Variants in NCBP2L observed in about 807,000 individuals in gnomAD.
NCBP2L encodes the protein nuclear cap-binding protein subunit 2-like.
For missense variants in NCBP2L, 95 were observed against 53.1 expected, an observed-to-expected ratio of 1.79 and a Z score of -2.45; for synonymous variants, 39 against 19.2, an observed-to-expected ratio of 2.04 and a Z score of -2.70.
At chrX:107,778,108 G>A (rs1204199434) in intron 1 of NCBP2L, among the ~76,000 whole-genome samples, 2 of 109,826 alleles carry the variant, frequency 1.8e-5, no homozygotes, top group African/African-American at 6.6e-5. Context: ...CTACTAAATT[G>A]TTTTGTAATT....
chrX:107,781,593 G>A (rs1413712179), intron 1 of NCBP2L, among the ~76,000 whole-genome samples: 2 of 99,019 alleles, frequency 2.0e-5, no homozygotes, highest in African/African-American at 3.7e-5. Context: ...GATTACAGGC[G>A]TGAGCCACCA....
At position 107,794,428 on chromosome X, in the gene NCBP2L, G is replaced by A. The variant is rs755736501; in HGVS notation, c.208G>A (p.Gly70Ser). 8.8e-6 allele frequency: 5 copies of A among 569,874 alleles called. No individual in the cohort carries two copies. Among genetic ancestry groups the A allele is most frequent in the Non-Finnish European group, 1.6e-5 (5 of 309,374 alleles). The allele number at this position is 569,874 out of a possible 1,213,427, so 47.0% of individuals were successfully genotyped here. A position where few individuals can be genotyped will look rare whatever the true frequency, so the allele number is the denominator to read the frequency against. Residue 70 changes from glycine to serine, a missense_variant, in exon 2 of 2, where the codon GGC (glycine) becomes AGC (serine). Coordinates refer to ENST00000509000, the MANE Select transcript of NCBP2L (RefSeq NM_001348372.2). ...SRSDIRNIFM[G>S]LDKIKKTACG... ...ATCTGATATCAGGAATATCTTTATG[G>A]GCCTGGATAAAATAAAGAAAACAGC...
chrX:107,791,631 T>C (rs1022183308), intron 1 of NCBP2L, among the ~76,000 whole-genome samples: 2 of 112,428 alleles, frequency 1.8e-5, no homozygotes, highest in Non-Finnish European at 3.8e-5. Flanking sequence ...CATTTCAAAG[T>C]CCCTCTTATT....
In NCBP2L at chrX:107,794,379, G is replaced by T. The variant is rs762800742; in HGVS notation, c.159G>T (p.Glu53Asp). The T allele has an allele frequency of 4.7e-5, 27 of 568,614 alleles. No individual in the cohort carries two copies. The Admixed American group carries it at 4.9e-4, about 10-fold the overall frequency. The allele number at this position is 568,614 out of a possible 1,213,427, so 46.9% of individuals were successfully genotyped here. ...ATCTTTCCTTTTATACAACCGAAGA[G>T]AAAATACATGAACTCTTTAGTAGAT... ...MGNLSFYTTE[E>D]KIHELFSRSD... Residue 53 changes from glutamate (E) to aspartate (D), a missense_variant, in exon 2 of 2, where the codon GAG (glutamate) becomes GAT (aspartate). By Grantham distance (45) the Glu-to-Asp change is conservative. Transcript: ENST00000509000.
In NCBP2L at chrX:107,782,276, A is replaced by AAT. The variant is rs1412319890; in HGVS notation, c.-73+4426_-73+4427dup. Among the ~76,000 whole-genome samples the AAT allele has an allele frequency of 1.8e-3, 32 of 17,847 alleles. 5 individuals are homozygous for AAT. The African/African-American group carries it at 0.026, about 14-fold the overall frequency. The allele number at this position is 17,847 out of a possible 115,157, so 15.5% of individuals were successfully genotyped here. ...ATATATATATAAATATATATATATA[A>AAT]ATATATATAAATATATATATATAAA... On this transcript the variant is annotated intron_variant, in intron 1 of 1. Coordinates refer to ENST00000509000, the MANE Select transcript of NCBP2L (RefSeq NM_001348372.2).
At chrX:107,787,993 C>T (rs891249376) in intron 1 of NCBP2L, among the ~76,000 whole-genome samples, 1 of 112,254 alleles carries the variant, frequency 8.9e-6, no homozygotes, top group African/African-American at 3.2e-5. Flanking sequence ...ACCTCCTCTC[C>T]TCCGTCCTCT....
intron 1 of NCBP2L, among the ~76,000 whole-genome samples, chrX:107,786,199 A>C: frequency 9.0e-6 from 1 of 111,096 alleles, no homozygotes; most frequent in Non-Finnish European, 1.9e-5. Context: ...ATATATTGAC[A>C]TACAGGGAGC....
chrX:107,791,462 T>C (rs1357423569), intron 1 of NCBP2L, among the ~76,000 whole-genome samples: 1 of 111,912 alleles, frequency 8.9e-6, no homozygotes, highest in Non-Finnish European at 1.9e-5. Flanking sequence ...CCCAGGCTGG[T>C]CTTGAACTCC....
intron 1 of NCBP2L, among the ~76,000 whole-genome samples, chrX:107,781,820 CTATATATAGAGAGATATA>C (rs1838597380): frequency 2.8e-4 from 26 of 93,983 alleles, no homozygotes; most frequent in African/African-American, 3.9e-4. Context: ...ATCTAGATAT[CTATATATAGAGAGATATA>C]TATATTTATA....
At chrX:107,782,196 AAT>A (rs139714509) in intron 1 of NCBP2L, among the ~76,000 whole-genome samples, 1,673 of 19,479 alleles carry the variant, frequency 0.086, 236 homozygotes, top group African/African-American at 0.26. Context: ...TATATATATA[AAT>A]ATATATATAT....
chrX:107,781,333 A>C (rs1930264081), intron 1 of NCBP2L, among the ~76,000 whole-genome samples: 1 of 103,223 alleles, frequency 9.7e-6, no homozygotes, highest in African/African-American at 3.6e-5. Flanking sequence ...GGTCCTCCCA[A>C]CTCAGCCTTC....
At chrX:107,789,559 C>T (rs1371949649) in intron 1 of NCBP2L, among the ~76,000 whole-genome samples, 1 of 111,765 alleles carries the variant, frequency 8.9e-6, no homozygotes, top group Non-Finnish European at 1.9e-5. Flanking sequence ...TCCCAGAACA[C>T]CACTGTTATT....
At chrX:107,786,646 G>A (rs1930395559) in intron 1 of NCBP2L, among the ~76,000 whole-genome samples, 1 of 111,253 alleles carries the variant, frequency 9.0e-6, no homozygotes, top group Non-Finnish European at 1.9e-5. Flanking sequence ...TGTGTCAGGC[G>A]CTGTGTTAGG....
chrX:107,789,042 A>G (rs1930418388), intron 1 of NCBP2L, among the ~76,000 whole-genome samples: 1 of 110,931 alleles, frequency 9.0e-6, no homozygotes, highest in African/African-American at 3.3e-5. Context: ...ATTTTCAATG[A>G]TCCACTTTAT....
At position 107,794,886 on chromosome X, in the gene NCBP2L, G is replaced by A. The variant is rs1313694815; in HGVS notation, c.*204G>A. 2.9e-6 allele frequency: 1 copy of A among 340,529 alleles called. No homozygotes were observed. The highest frequency in any genetic ancestry group is 5.1e-6 in the Non-Finnish European group (1 of 194,272). 28.1% of individuals were successfully genotyped at this position (340,529 alleles called of 1,213,427 possible). On this transcript the variant is annotated 3_prime_UTR_variant, in exon 2 of 2. Transcript: ENST00000509000. ...TTTGAAGATGCTTTTCAGATTACCA[G>A]TTTGACTGTTAGGTGGTCCAAAGTG... is the stretch of plus-strand genomic sequence containing the variant.
Position 107,794,593 on chromosome X carries a change from C to T in NCBP2L, c.373C>T (p.Arg125Cys), listed in dbSNP as rs746075993. Residue 125 changes from arginine (R) to cysteine (C), a missense_variant, in exon 2 of 2, where the codon CGC (arginine) becomes TGC (cysteine). Arg to Cys is a radical substitution (Grantham distance 180). Coordinates refer to ENST00000509000, the MANE Select transcript of NCBP2L (RefSeq NM_001348372.2). ...VGFREGQQYGRGKSGGQVRDE... is the reference protein window; with the variant it reads ...VGFREGQQYGCGKSGGQVRDE... ...TTTTAGAGAGGGTCAACAGTATGGT[C>T]GCGGTAAATCTGGGGGTCAGGTAAG... The T allele has an allele frequency of 4.1e-5, 23 of 567,257 alleles. No individual in the cohort carries two copies. The highest frequency in any genetic ancestry group is 6.8e-5 in the Non-Finnish European group (21 of 308,984). The allele number at this position is 567,257 out of a possible 1,213,427, so 46.7% of individuals were successfully genotyped here.
intron 1 of NCBP2L, among the ~76,000 whole-genome samples, chrX:107,784,170 C>T (rs1930365743): frequency 1.8e-5 from 2 of 111,580 alleles, no homozygotes; most frequent in African/African-American, 6.5e-5. Context: ...AGTCACAACT[C>T]AATATGTGGT....
rs1332063194 is a variant in NCBP2L at position 107,782,364 on chromosome X, T to A, written c.-73+4506T>A. Among the ~76,000 whole-genome samples the A allele has an allele frequency of 1.2e-3, 50 of 40,028 alleles. 5 individuals are homozygous for A. Among genetic ancestry groups the A allele is most frequent in the East Asian group, 9.8e-3 (15 of 1,536 alleles). 34.8% of individuals were successfully genotyped at this position (40,028 alleles called of 115,157 possible). Reference sequence around the variant, plus strand: ...ATATATATATATAAATATATATATATATAAATATATATATATATATACCCA... The same window carrying A: ...ATATATATATATAAATATATATATAAATAAATATATATATATATATACCCA... On this transcript the variant is annotated intron_variant, in intron 1 of 1. Coordinates refer to ENST00000509000, the MANE Select transcript of NCBP2L (RefSeq NM_001348372.2).
intron 1 of NCBP2L, among the ~76,000 whole-genome samples, chrX:107,784,824 A>T (rs1325222529): frequency 2.8e-5 from 3 of 107,083 alleles, no homozygotes; most frequent in African/African-American, 1.0e-4. Context: ...AAAAAAAAAA[A>T]AAAAAATAGC....
Sources: allele counts gnomAD v4.1 joint callset (sites outside exome capture counted in the v4.1 genomes callset), GRCh38; gene constraint gnomAD v4.1.1; transcripts MANE v1.5; gene names NCBI Gene and HGNC (gene_info 2026-07-23, HGNC 2026-07-21).